CALB2: variants seen among roughly 807,000 people sequenced by gnomAD.
CALB2 encodes calretinin.
A neutral mutation model predicts 45.9 loss-of-function variants in CALB2; 34 were observed. The ratio of observed to expected loss-of-function variants is 0.74; its 90% CI spans 0.56 to 0.99. CALB2 has a LOEUF of 0.99. CALB2 is among the 50% of genes least tolerant of loss of function. The pLI is 0.00. For synonymous variants in CALB2, 142 were observed against 129.6 expected (o/e 1.10, Z -0.65); for missense variants, 344 against 339.3 (o/e 1.01, Z -0.11).
intron 4 of CALB2, among the ~76,000 whole-genome samples, 162 bp from the exon 5 acceptor site, chr16:71,382,557 C>G (rs1379516880): frequency 6.6e-6 from 1 of 152,230 alleles, no homozygotes; most frequent in African/African-American, 2.4e-5. Context: ...ATTTCCTTCT[C>G]TGTGACCTTG....
intron 4 of CALB2, among the ~76,000 whole-genome samples, chr16:71,380,464 A>T (rs1598171630): frequency 7.3e-6 from 1 of 136,414 alleles, no homozygotes; most frequent in Non-Finnish European, 1.6e-5. Flanking sequence ...AGGCACCACC[A>T]CTTCCGGTGA....
At chr16:71,376,082 G>A (rs1253247268) in intron 3 of CALB2, among the ~76,000 whole-genome samples, 1 of 152,186 alleles carries the variant, frequency 6.6e-6, no homozygotes, top group Admixed American at 6.5e-5. Context: ...TGATTCAAAG[G>A]GGCTTAAACC....
At chr16:71,384,680 C>A (rs1229820339) in intron 8 of CALB2, 103 bp from the exon 9 acceptor site, 2 of 81,596 alleles carry the variant, frequency 2.5e-5, no homozygotes, top group South Asian at 9.4e-5. Flanking sequence ...ACACACACAT[C>A]ACACATGCAC....
intron 3 of CALB2, 37 bp downstream of exon 3, chr16:71,374,871 G>A: frequency 7.0e-7 from 1 of 1,432,896 alleles, no homozygotes; most frequent in Non-Finnish European, 9.8e-7. Flanking sequence ...CTGTGTGGGA[G>A]GGGCCCTGGG....
At chr16:71,389,241 G>C (rs936124214) in intron 10 of CALB2, among the ~76,000 whole-genome samples, 2 of 152,086 alleles carry the variant, frequency 1.3e-5, no homozygotes, top group Non-Finnish European at 2.9e-5. Context: ...ACTTAGGAAA[G>C]AGTGGTCCAG....
At chr16:71,386,695 T>C (rs879201853) in intron 10 of CALB2, among the ~76,000 whole-genome samples, 2 of 152,206 alleles carry the variant, frequency 1.3e-5, no homozygotes, top group African/African-American at 4.8e-5. Flanking sequence ...CTTTCTTTAA[T>C]TAGACAATGA....
At chr16:71,389,661 GGTGTTT>G (rs1045793116) in intron 10 of CALB2, 82 bp from the exon 11 acceptor site, 13 of 871,754 alleles carry the variant, frequency 1.5e-5, no homozygotes, top group Admixed American at 1.2e-4. Context: ...GAAAGGTGTG[GGTGTTT>G]GTGTTTGTGA....
chr16:71,383,868 G>C, intron 6 of CALB2, 102 bp from the exon 7 acceptor site: 2 of 1,336,300 alleles, frequency 1.5e-6, no homozygotes, highest in Non-Finnish European at 2.2e-6. Flanking sequence ...GGAAGCATGA[G>C]CACGTGTCAC....
intron 5 of CALB2, among the ~76,000 whole-genome samples, 191 bp downstream of exon 5, chr16:71,382,966 AT>A (rs71709684): frequency 0.048 from 7,345 of 152,190 alleles, 404 homozygotes; most frequent in South Asian, 0.21. Flanking sequence ...CAGGCTGTAG[AT>A]TTCAACGAAA....
At chr16:71,363,891 G>A (rs929925956) in intron 1 of CALB2, among the ~76,000 whole-genome samples, 6 of 152,164 alleles carry the variant, frequency 3.9e-5, no homozygotes, top group Non-Finnish European at 7.3e-5. Context: ...TCAGAGGAGC[G>A]CTTTCTCTGA....
In CALB2 at chr16:71,384,353, A is replaced by C. The variant is rs1297999637; in HGVS notation, c.548A>C (p.Gln183Pro). The change falls in exon 8 of 11, where the codon CAG (glutamine) becomes CCG (proline). Residue 183 changes from glutamine to proline, a missense_variant. Physicochemically the swap from Gln to Pro is moderately conservative, Grantham distance 76 (BLOSUM62 -1). Around this residue, in one of 3 missense-constraint regions of CALB2, gnomAD observed 263 missense variants for 241.7 expected, o/e 1.09. Transcript: ENST00000302628. ...TTTCTCCCCAGACTCCTGCCTGTCCAGGAAAACTTCCTGCTTAAATTTCAG... is the reference window on the plus strand; with the variant it reads ...TTTCTCCCCAGACTCCTGCCTGTCCCGGAAAACTTCCTGCTTAAATTTCAG... ...LSEMSRLLPVQENFLLKFQGM... is the reference protein window; with the variant it reads ...LSEMSRLLPVPENFLLKFQGM... 1 of 1,613,102 alleles carries C rather than the reference A, an allele frequency of 6.2e-7. No individual in the cohort carries two copies. Among genetic ancestry groups the C allele is most frequent in the Admixed American group, 1.7e-5 (1 of 59,904 alleles).
At chr16:71,380,531 C>T (rs993912471) in intron 4 of CALB2, among the ~76,000 whole-genome samples, 1 of 151,990 alleles carries the variant, frequency 6.6e-6, no homozygotes, top group African/African-American at 2.4e-5. Flanking sequence ...TGGTCTCAAA[C>T]TCCCGACCTC....
Position 71,383,004 on chromosome 16 carries a change from G to T in CALB2, c.399+229G>T, listed in dbSNP as rs551198232. 2.6e-5 allele frequency among the ~76,000 whole-genome samples: 4 copies of T among 152,246 alleles called. No individual in the cohort carries two copies. The South Asian group carries it at 6.2e-4, about 24-fold the overall frequency. Reference sequence around the variant, plus strand: ...CCAGCTCTTCTGCACCTCCATGCTCGGGACAGGAGTCCTCCAGGCAATTCC... The same window carrying T: ...CCAGCTCTTCTGCACCTCCATGCTCTGGACAGGAGTCCTCCAGGCAATTCC... On this transcript the variant is annotated intron_variant, in intron 5 of 10. Transcript: ENST00000302628.
intron 4 of CALB2, among the ~76,000 whole-genome samples, chr16:71,381,358 T>C (rs984990191): frequency 6.6e-6 from 1 of 151,612 alleles, no homozygotes; most frequent in African/African-American, 2.4e-5. Flanking sequence ...CGACCTAAGT[T>C]GCATATAGTA....
intron 4 of CALB2, among the ~76,000 whole-genome samples, chr16:71,382,050 GA>G: frequency 9.0e-6 from 1 of 111,600 alleles, no homozygotes; most frequent in African/African-American, 3.0e-5. Flanking sequence ...GGAGTAGGAG[GA>G]GGAGGAGAGG....
intron 2 of CALB2, 69 bp downstream of exon 2, chr16:71,372,298 A>G (rs1391725904): frequency 4.5e-6 from 5 of 1,110,372 alleles, no homozygotes; most frequent in Non-Finnish European, 6.7e-6. Flanking sequence ...GCTGTGTCCC[A>G]GTTATGTATG....
intron 6 of CALB2, 139 bp from the exon 7 acceptor site, chr16:71,383,831 T>C: frequency 1.1e-6 from 1 of 935,778 alleles, no homozygotes; most frequent in East Asian, 2.4e-5. Flanking sequence ...TAGCCCATGT[T>C]GGTTCTTGGC....
intron 2 of CALB2, 116 bp downstream of exon 2, chr16:71,372,345 CA>C: frequency 1.5e-6 from 1 of 683,126 alleles, no homozygotes; most frequent in African/African-American, 1.8e-5. Flanking sequence ...CTTGACACAG[CA>C]TTTTATTTGT....
intron 10 of CALB2, chr16:71,389,457 G>A (rs1483163131): frequency 1.3e-5 from 7 of 547,040 alleles, no homozygotes; most frequent in East Asian, 4.5e-5. Context: ...CGTAATCATC[G>A]CAACACCTCC....
Sources: allele counts gnomAD v4.1 joint callset (sites outside exome capture counted in the v4.1 genomes callset), GRCh38; gene constraint gnomAD v4.1.1; regional missense constraint gnomAD v4.1.1; transcripts MANE v1.5; gene names NCBI Gene and HGNC (gene_info 2026-07-23, HGNC 2026-07-21).